ERCC6: variants seen among roughly 807,000 people sequenced by gnomAD.
ERCC6 encodes the protein DNA excision repair protein ERCC-6.
In ERCC6, 116 loss-of-function variants were observed where a neutral mutation model predicts 158.7. The observed-to-expected ratio is 0.73, with a 90% CI of 0.63 to 0.85. The LOEUF is 0.85. Ranked by LOEUF, ERCC6 falls within the 40% of genes least tolerant of loss-of-function variation. ERCC6 has a pLI of 0.00. For synonymous variants in ERCC6, 678 were observed against 659.3 expected, an observed-to-expected ratio of 1.03 and a Z score of -0.43; for missense variants, 1,698 against 1,799.4, an observed-to-expected ratio of 0.94 and a Z score of 1.02.
the ERCC6 span, among the ~76,000 whole-genome samples, chr10:49,443,899 C>A: frequency 6.6e-6 from 1 of 152,184 alleles, no homozygotes; most frequent in Non-Finnish European, 1.5e-5. Context: ...CTGCTCAGAA[C>A]GTGTCCTCAT....
At chr10:49,515,467 C>T in intron 5 of ERCC6, 1 of 1,614,114 alleles carries the variant, frequency 6.2e-7, no homozygotes, top group Non-Finnish European at 8.5e-7. Flanking sequence ...TGATTTATGC[C>T]ATCATAACGT....
At chr10:49,489,348 C>T (rs1278034121) in intron 8 of ERCC6, among the ~76,000 whole-genome samples, 2 of 152,100 alleles carry the variant, frequency 1.3e-5, no homozygotes, top group African/African-American at 2.4e-5. Context: ...GTAAATGTTA[C>T]CTATTAGGGA....
downstream of ERCC6, among the ~76,000 whole-genome samples, chr10:49,450,001 T>C (rs1350942227): frequency 1.8e-4 from 28 of 152,126 alleles, no homozygotes; most frequent in Admixed American, 1.7e-3. Flanking sequence ...GCCTCCTGAG[T>C]AGCTGGGACT....
chr10:49,508,395 C>G (rs1480505246), intron 5 of ERCC6, among the ~76,000 whole-genome samples: 1 of 152,124 alleles, frequency 6.6e-6, no homozygotes, highest in African/African-American at 2.4e-5. Flanking sequence ...TCAGTTTCCT[C>G]CTCCTCCCTC....
At chr10:49,530,685 T>C in intron 3 of ERCC6, 35 bp downstream of exon 3, 1 of 1,608,462 alleles carries the variant, frequency 6.2e-7, no homozygotes, top group South Asian at 1.1e-5. Flanking sequence ...GATGACTTTT[T>C]CAAAAATGCA....
chr10:49,488,227 C>A (rs746655921), intron 8 of ERCC6: 1 of 211,180 alleles, frequency 4.7e-6, no homozygotes, highest in Non-Finnish European at 1.0e-5. Flanking sequence ...GCTCAAGAGA[C>A]CAATCCCTCC....
At chr10:49,459,282 G>GC (rs754224226) in intron 20 of ERCC6, 48 bp from the exon 21 acceptor site, 3 of 1,594,270 alleles carry the variant, frequency 1.9e-6, no homozygotes, top group Admixed American at 3.3e-5. Flanking sequence ...TCTAGTTTAT[G>GC]CCCCCACTTC....
At chr10:49,468,411 G>T (rs1053734597) in intron 18 of ERCC6, among the ~76,000 whole-genome samples, 2 of 152,200 alleles carry the variant, frequency 1.3e-5, no homozygotes, top group Admixed American at 1.3e-4. Context: ...CAGGGCAACT[G>T]GAGAGCTCAG....
chr10:49,440,302 TGAGA>T, the ERCC6 span, among the ~76,000 whole-genome samples: 1 of 151,838 alleles, frequency 6.6e-6, no homozygotes, highest in Non-Finnish European at 1.5e-5. Flanking sequence ...CAAAAGAAAA[TGAGA>T]AAGAAGCAAA....
intron 4 of ERCC6, among the ~76,000 whole-genome samples, chr10:49,526,784 T>C (rs1837350804): frequency 6.6e-6 from 1 of 152,140 alleles, no homozygotes; most frequent in Non-Finnish European, 1.5e-5. Context: ...CAATTTCAGT[T>C]CATGTCTTCA....
intron 20 of ERCC6, chr10:49,460,074 T>G (rs967752398): frequency 2.2e-6 from 1 of 461,404 alleles, no homozygotes; most frequent in Non-Finnish European, 4.0e-6. Flanking sequence ...GAGCTGGCAC[T>G]TTCCCTCTAG....
At chr10:49,517,178 C>T in intron 5 of ERCC6, 1 of 1,503,668 alleles carries the variant, frequency 6.7e-7, no homozygotes, top group East Asian at 2.3e-5. Flanking sequence ...CCTAGTGTTC[C>T]AAAAATGGAA....
At chr10:49,531,239 C>T (rs1837463129) in intron 2 of ERCC6, among the ~76,000 whole-genome samples, 1 of 152,174 alleles carries the variant, frequency 6.6e-6, no homozygotes, top group Admixed American at 6.5e-5. Flanking sequence ...TGGAAGCATC[C>T]TAAATATGCT....
chr10:49,534,165 A>AAAAAAAAAG (rs1321344953), intron 1 of ERCC6, among the ~76,000 whole-genome samples: 6 of 139,162 alleles, frequency 4.3e-5, no homozygotes, highest in Admixed American at 2.3e-4. Flanking sequence ...CAAAAAAAAA[A>AAAAAAAAAG]CTCCATTTTA....
chr10:49,439,554 A>G, the ERCC6 span, among the ~76,000 whole-genome samples: 1 of 152,210 alleles, frequency 6.6e-6, no homozygotes, highest in Non-Finnish European at 1.5e-5. Flanking sequence ...CATGTCCTGG[A>G]GACATTTTCC....
chr10:49,482,307 C>T (rs1177218110), intron 10 of ERCC6, among the ~76,000 whole-genome samples: 2 of 152,192 alleles, frequency 1.3e-5, no homozygotes, highest in African/African-American at 4.8e-5. Flanking sequence ...TGCACTACCC[C>T]AGTTTGCAGG....
chr10:49,454,361 G>T (rs1850453716), downstream of ERCC6, among the ~76,000 whole-genome samples: 1 of 152,210 alleles, frequency 6.6e-6, no homozygotes, highest in African/African-American at 2.4e-5. Flanking sequence ...CCTCTGGACA[G>T]GGAGCTGAGG....
At chr10:49,446,818 T>A in the ERCC6 span, among the ~76,000 whole-genome samples, 4 of 152,056 alleles carry the variant, frequency 2.6e-5, no homozygotes, top group African/African-American at 9.7e-5. Context: ...TCTCAAAAAA[T>A]AATAATAAAA....
rs564205010 is a variant in ERCC6 at position 49,455,343 on chromosome 10, T to A, written c.*3472A>T. On this transcript the variant is annotated 3_prime_UTR_variant, in exon 21 of 21. Transcript: ENST00000355832. ...AAGAGGTCTATTATTCTCAAATTAA[T>A]GTGTAAACAAATGCAATCCTAGTCA... 7.9e-5 allele frequency: 12 copies of A among 152,328 alleles called. No homozygotes were observed. The highest frequency in any genetic ancestry group is 2.9e-4 in the African/African-American group (12 of 41,576). 9.4% of individuals were successfully genotyped at this position (152,328 alleles called of 1,614,324 possible).
Sources: gnomAD v4.1 joint callset for allele counts (sites outside exome capture counted in the v4.1 genomes callset) on GRCh38, gnomAD v4.1.1 for gene constraint, MANE v1.5 for transcripts, NCBI Gene and HGNC (gene_info 2026-07-23, HGNC 2026-07-21) for gene names.